Variants in KAZN observed in about 807,000 individuals in gnomAD.
KAZN encodes the protein kazrin, periplakin interacting protein.
A neutral mutation model predicts 87.4 loss-of-function variants in KAZN; 40 were observed. The ratio of observed to expected loss-of-function variants is 0.46; its 90% CI spans 0.36 to 0.60. The LOEUF (loss-of-function observed/expected upper bound fraction) is 0.60, where lower values mean the gene tolerates loss of function less well. Ranked by LOEUF, KAZN falls within the 20% of genes least tolerant of loss-of-function variation. KAZN has a pLI of 0.00. For synonymous variants in KAZN, 466 were observed against 458.3 expected, an observed-to-expected ratio of 1.02 and a Z score of -0.22; for missense variants, 898 against 1,073.9, an observed-to-expected ratio of 0.84 and a Z score of 2.29.
chr1:14,825,288 C>T (rs184398600), intron 1 of KAZN, among the ~76,000 whole-genome samples: 1 of 152,358 alleles, frequency 6.6e-6, no homozygotes, highest in Non-Finnish European at 1.5e-5. Flanking sequence ...TGTGGCTCCA[C>T]CTGGAAGCTG....
At chr1:14,576,026 A>G (rs1675156712) in intron 2 of KAZN, among the ~76,000 whole-genome samples, 2 of 152,112 alleles carry the variant, frequency 1.3e-5, no homozygotes, top group Non-Finnish European at 2.9e-5. Flanking sequence ...TCCGATTCTT[A>G]CCCAAAGCAT....
intron 1 of KAZN, among the ~76,000 whole-genome samples, chr1:14,793,003 C>G (rs1645724680): frequency 6.7e-6 from 1 of 149,656 alleles, no homozygotes; most frequent in Non-Finnish European, 1.5e-5. Flanking sequence ...ATTCAGGACA[C>G]AGTTGGCGGG....
intron 1 of KAZN, among the ~76,000 whole-genome samples, chr1:14,772,841 T>TA (rs1483522815): frequency 6.6e-6 from 1 of 152,108 alleles, no homozygotes; most frequent in East Asian, 1.9e-4. Flanking sequence ...GACCTTTCTC[T>TA]ACCAAGAAAG....
chr1:14,512,131 A>G (rs1670938867), intron 2 of KAZN, among the ~76,000 whole-genome samples: 1 of 152,136 alleles, frequency 6.6e-6, no homozygotes, highest in Non-Finnish European at 1.5e-5. Context: ...CTTTCTCCCT[A>G]GGAATCCACA....
intron 1 of KAZN, among the ~76,000 whole-genome samples, chr1:13,997,020 G>A (rs533611505): frequency 1.3e-5 from 2 of 152,324 alleles, no homozygotes; most frequent in South Asian, 4.1e-4. Flanking sequence ...TGCCTTTGCT[G>A]TTCTCCAGCC....
intron 1 of KAZN, among the ~76,000 whole-genome samples, chr1:14,822,787 A>G (rs1409128512): frequency 6.6e-6 from 1 of 151,926 alleles, no homozygotes; most frequent in African/African-American, 2.4e-5. Flanking sequence ...CTCTGTGGCG[A>G]GTGCTCCTTT....
At chr1:15,060,400 G>T in intron 6 of KAZN, 98 bp downstream of exon 6, 1 of 1,490,992 alleles carries the variant, frequency 6.7e-7, no homozygotes, top group South Asian at 1.2e-5. Context: ...GTTTCCTCTC[G>T]TCCACCCAGG....
intron 1 of KAZN, among the ~76,000 whole-genome samples, chr1:14,795,021 A>G (rs948296032): frequency 1.1e-4 from 16 of 152,034 alleles, no homozygotes; most frequent in African/African-American, 3.4e-4. Flanking sequence ...TTGAACTTAC[A>G]CTAGTGGTTT....
chr1:15,044,239 C>A, intron 4 of KAZN, 80 bp downstream of exon 4: 3 of 752,766 alleles, frequency 4.0e-6, no homozygotes, highest in Non-Finnish European at 5.6e-6. Flanking sequence ...GGCACCGACT[C>A]ACATCGGAGA....
At chr1:14,072,041 A>G (rs1643266672) in intron 1 of KAZN, among the ~76,000 whole-genome samples, 1 of 152,200 alleles carries the variant, frequency 6.6e-6, no homozygotes, top group Non-Finnish European at 1.5e-5. Context: ...CTGAAATACT[A>G]TCCCAGCAAG....
chr1:14,139,873 A>G (rs1156722059), intron 1 of KAZN, among the ~76,000 whole-genome samples: 2 of 152,152 alleles, frequency 1.3e-5, no homozygotes, highest in Admixed American at 1.3e-4. Context: ...TTGATAAAGC[A>G]TGGAGTAATT....
rs13313062 is a variant in KAZN at position 14,140,536 on chromosome 1, C to G, written c.92-39899C>G. Among the ~76,000 whole-genome samples the G allele has an allele frequency of 8.0e-4, 122 of 152,132 alleles. 1 individual carries two copies. In the East Asian group the frequency reaches 0.021, roughly 26 times the overall value. On this transcript the variant is annotated intron_variant, in intron 1 of 16. Transcript: ENST00000636203. ...AGAGGGAGGGAGGCCTTCCCACCCC[C>G]CTTTTCGCTATCCCATATTTTCTTT...
chr1:14,365,597 G>T (rs902168533), intron 2 of KAZN, among the ~76,000 whole-genome samples: 1 of 152,150 alleles, frequency 6.6e-6, no homozygotes, highest in African/African-American at 2.4e-5. Context: ...TTTGTGGCAG[G>T]TAATTCCTTG....
chr1:14,331,681 C>T (rs1170696644), intron 2 of KAZN, among the ~76,000 whole-genome samples: 1 of 152,082 alleles, frequency 6.6e-6, no homozygotes, highest in East Asian at 1.9e-4. Flanking sequence ...AGATACTAAG[C>T]ACCGTCTATC....
Position 15,066,166 on chromosome 1 carries a change from C to T in KAZN, c.1222+413C>T. 9.9e-7 allele frequency: 1 copy of T among 1,014,618 alleles called. No homozygotes were observed. Among genetic ancestry groups the T allele is most frequent in the African/African-American group, 1.7e-5 (1 of 58,278 alleles). 62.9% of individuals were successfully genotyped at this position (1,014,618 alleles called of 1,614,324 possible). A position where few individuals can be genotyped will look rare whatever the true frequency, so the allele number is the denominator to read the frequency against. On this transcript the variant is annotated intron_variant, in intron 8 of 14. Coordinates refer to ENST00000376030, the MANE Select transcript of KAZN (RefSeq NM_201628.3). This position sits in a 1 kb window ranked among gnomAD's most constrained non-coding sequence, Gnocchi z 4.3. The stretch of plus-strand genomic sequence containing the variant: ...TTGTTTTTGTTTTTGTTTTTTTCCC[C>T]CTTTCTCCTCCCCTCCTCCTTTTTA...
intron 1 of KAZN, among the ~76,000 whole-genome samples, chr1:13,902,618 G>A (rs941760873): frequency 1.3e-5 from 2 of 152,284 alleles, no homozygotes; most frequent in Admixed American, 6.5e-5. Flanking sequence ...GAAGGAATAC[G>A]ATCTAGTGTT....
chr1:14,136,860 G>A (rs544204884), intron 1 of KAZN, among the ~76,000 whole-genome samples: 118 of 152,284 alleles, frequency 7.7e-4, no homozygotes, highest in African/African-American at 2.7e-3. Context: ...GGAGTGCATG[G>A]GGACTAGGAC....
chr1:14,073,912 T>TA (rs1643344475), intron 1 of KAZN, among the ~76,000 whole-genome samples: 1 of 152,174 alleles, frequency 6.6e-6, no homozygotes, highest in South Asian at 2.1e-4. Flanking sequence ...TGGGTATATA[T>TA]CCAGTAATGG....
chr1:14,506,397 GCCATGATCATCGTTTA>G (rs1670585665), intron 2 of KAZN, among the ~76,000 whole-genome samples: 1 of 152,154 alleles, frequency 6.6e-6, no homozygotes, highest in Non-Finnish European at 1.5e-5. Flanking sequence ...TACATCACAT[GCCATGATCATCGTTTA>G]TACCTTTGTC....
Sources: gnomAD v4.1 joint callset for allele counts (sites outside exome capture counted in the v4.1 genomes callset) on GRCh38, gnomAD v4.1.1 for gene constraint, Gnocchi (gnomAD v3.1) non-coding constraint, MANE v1.5 for transcripts, NCBI Gene and HGNC (gene_info 2026-07-23, HGNC 2026-07-21) for gene names.